Variants in ARMC2 observed in about 807,000 individuals in gnomAD.
ARMC2 encodes the protein armadillo repeat-containing protein 2.
Under a neutral mutation model 90.3 loss-of-function variants are expected in ARMC2, and 67 were observed. The ratio of observed to expected loss-of-function variants is 0.74; its 90% CI spans 0.61 to 0.91. The LOEUF is 0.91. ARMC2 is among the 40% of genes least tolerant of loss of function. ARMC2 has a pLI of 0.00. For missense variants in ARMC2, 920 were observed against 1,030.9 expected, an observed-to-expected ratio of 0.89 and a Z score of 1.47; for synonymous variants, 393 against 393.0, an observed-to-expected ratio of 1.00 and a Z score of 0.00.
At chr6:108,961,959 C>G in intron 14 of ARMC2, 55 bp from the exon 15 acceptor site, 1 of 1,266,468 alleles carries the variant, frequency 7.9e-7, no homozygotes, top group East Asian at 2.4e-5. Context: ...TTTCCATTAA[C>G]CTTTAAGTTA....
chr6:108,907,768 G>C (rs1378405711), intron 8 of ARMC2: 3 of 1,610,534 alleles, frequency 1.9e-6, no homozygotes, highest in Admixed American at 1.7e-5. Flanking sequence ...GAAACGCTCC[G>C]AAAATGCCAC....
chr6:108,940,256 A>C (rs1191804252), intron 12 of ARMC2, among the ~76,000 whole-genome samples: 1 of 152,048 alleles, frequency 6.6e-6, no homozygotes, highest in Non-Finnish European at 1.5e-5. Context: ...ACAGAGGAAG[A>C]CTCTATCTCG....
the ARMC2 span, chr6:109,001,569 A>AATGATACTTAGAGT: frequency 5.0e-6 from 6 of 1,196,010 alleles, no homozygotes; most frequent in South Asian, 1.4e-5. Flanking sequence ...CTACACTCTA[A>AATGATACTTAGAGT]GTATCATTTA....
At chr6:108,892,177 A>G (rs1281180579) in intron 5 of ARMC2, among the ~76,000 whole-genome samples, 1 of 152,056 alleles carries the variant, frequency 6.6e-6, no homozygotes, top group Non-Finnish European at 1.5e-5. Context: ...CCTAGTCTCA[A>G]ACCTTCTTGT....
At chr6:108,901,843 C>G (rs1446291448) in intron 7 of ARMC2, among the ~76,000 whole-genome samples, 1 of 152,194 alleles carries the variant, frequency 6.6e-6, no homozygotes, top group African/African-American at 2.4e-5. Context: ...AAATAAAAGC[C>G]TGGATCACAA....
chr6:108,877,533 T>C (rs977460230), intron 5 of ARMC2, among the ~76,000 whole-genome samples: 5 of 152,180 alleles, frequency 3.3e-5, no homozygotes, highest in African/African-American at 7.2e-5. Flanking sequence ...GTAGAAAACA[T>C]CAAACTGGCC....
At chr6:109,009,505 G>C in the ARMC2 span, 1 of 1,208,392 alleles carries the variant, frequency 8.3e-7, no homozygotes. Context: ...GGCGAGCGCT[G>C]GGCAGCCGGC....
At chr6:109,015,755 T>C in the ARMC2 span, among the ~76,000 whole-genome samples, 1 of 152,086 alleles carries the variant, frequency 6.6e-6, no homozygotes. Flanking sequence ...GAGAAGGAAA[T>C]ATACAAACTC....
the ARMC2 span, among the ~76,000 whole-genome samples, chr6:108,991,960 A>G: frequency 6.6e-6 from 1 of 152,166 alleles, no homozygotes; most frequent in Non-Finnish European, 1.5e-5. Context: ...CTCTACTTAC[A>G]ATACCCTTTT....
chr6:108,929,633 A>G (rs1380480297), intron 11 of ARMC2, among the ~76,000 whole-genome samples: 2 of 152,076 alleles, frequency 1.3e-5, no homozygotes, highest in African/African-American at 4.8e-5. Context: ...GTGCACGCCA[A>G]CATGCTCAGC....
At chr6:109,000,459 T>C in the ARMC2 span, 8 of 1,411,840 alleles carry the variant, frequency 5.7e-6, no homozygotes, top group Non-Finnish European at 7.5e-6. Flanking sequence ...AAGTCTGAAA[T>C]GACTCCCAAG....
chr6:108,875,433 G>A (rs748667281), intron 4 of ARMC2, among the ~76,000 whole-genome samples: 1 of 151,910 alleles, frequency 6.6e-6, no homozygotes, highest in African/African-American at 2.4e-5. Flanking sequence ...GGCACAGTGG[G>A]TGCTGAAGAG....
chr6:108,884,843 G>T (rs1029404036), intron 5 of ARMC2, among the ~76,000 whole-genome samples: 4 of 152,194 alleles, frequency 2.6e-5, no homozygotes, highest in African/African-American at 9.6e-5. Context: ...GGAAGCTGTT[G>T]TAGCAGTTCT....
Position 108,964,206 on chromosome 6 carries a change from G to A in ARMC2, c.2179G>A (p.Asp727Asn). 1 of 1,613,952 alleles carries A rather than the reference G, an allele frequency of 6.2e-7. No homozygotes were observed. The highest frequency in any genetic ancestry group is 8.5e-7 in the Non-Finnish European group (1 of 1,179,878). Reference protein sequence around the residue: ...NVHRFMMALLDAQHQDICFSA... With the variant: ...NVHRFMMALLNAQHQDICFSA... ...CCACAGGTTCATGATGGCGCTGCTG[G>A]ATGCTCAGCATCAGGATATCTGCTT... Residue 727 changes from aspartate (D) to asparagine (N), a missense_variant, in exon 16 of 18, where the codon GAT becomes AAT. Asp to Asn is a conservative substitution (Grantham distance 23). Transcript: ENST00000392644.
intron 6 of ARMC2, among the ~76,000 whole-genome samples, chr6:108,895,375 T>G (rs947248008): frequency 4.0e-5 from 6 of 151,060 alleles, no homozygotes; most frequent in African/African-American, 1.2e-4. Context: ...TCCCAACTAC[T>G]TGGGAGGCTG....
At position 108,875,630 on chromosome 6, in the gene ARMC2, T is replaced by C. The variant is rs922851552; in HGVS notation, c.464-513T>C. On this transcript the variant is annotated intron_variant, in intron 4 of 17. Transcript: ENST00000392644. ...CTTTGCTTTTTTTCCATAGCACTTA[T>C]TATCTTATAACATGTCGTATACCTT... 3.9e-5 allele frequency among the ~76,000 whole-genome samples: 6 copies of C among 152,234 alleles called. No individual in the cohort carries two copies. The East Asian group carries it at 7.7e-4, about 20-fold the overall frequency.
the ARMC2 span, among the ~76,000 whole-genome samples, chr6:108,994,140 TAAAAA>T: frequency 1.0e-5 from 1 of 100,264 alleles, no homozygotes; most frequent in Non-Finnish European, 2.0e-5. Context: ...CCCTGTTTCT[TAAAAA>T]AAAAAAAAAA....
the ARMC2 span, among the ~76,000 whole-genome samples, chr6:109,004,465 C>T: frequency 6.7e-6 from 1 of 148,886 alleles, no homozygotes; most frequent in African/African-American, 2.5e-5. Context: ...GAGACAGAGT[C>T]TCGCTGTGTC....
intron 10 of ARMC2, among the ~76,000 whole-genome samples, chr6:108,925,429 G>A (rs1202888674): frequency 6.6e-6 from 1 of 152,194 alleles, no homozygotes; most frequent in Admixed American, 6.5e-5. Context: ...TGAAAAGGAT[G>A]AACAAGGTTT....
Sources: allele counts gnomAD v4.1 joint callset (sites outside exome capture counted in the v4.1 genomes callset), GRCh38; gene constraint gnomAD v4.1.1; transcripts MANE v1.5; gene names NCBI Gene and HGNC (gene_info 2026-07-23, HGNC 2026-07-21).